DIAPH2: variants seen among roughly 807,000 people sequenced by gnomAD.
DIAPH2 encodes the protein protein diaphanous homolog 2.
A neutral mutation model predicts 92.7 loss-of-function variants in DIAPH2; 35 were observed. That is an observed-to-expected ratio of 0.38 (90% CI 0.29 to 0.50). The LOEUF (loss-of-function observed/expected upper bound fraction) is 0.50. DIAPH2 is among the 20% of genes least tolerant of loss of function. The pLI is 0.94. For synonymous variants in DIAPH2, 301 were observed against 280.4 expected, an observed-to-expected ratio of 1.07 and a Z score of -0.73; for missense variants, 701 against 819.5, an observed-to-expected ratio of 0.86 and a Z score of 1.77.
At chrX:96,962,470 T>C (rs76388798) in intron 16 of DIAPH2, among the ~76,000 whole-genome samples, 1 of 26,979 alleles carries the variant, frequency 3.7e-5, no homozygotes, top group Non-Finnish European at 7.5e-5. Context: ...TATATATACA[T>C]ATATATATAC....
At chrX:97,177,185 T>C (rs1175449407) in intron 22 of DIAPH2, among the ~76,000 whole-genome samples, 1 of 111,133 alleles carries the variant, frequency 9.0e-6, no homozygotes, top group Non-Finnish European at 1.9e-5. Flanking sequence ...TTTGGGTAGT[T>C]TCCTGTCCTT....
At position 97,602,919 on chromosome X, in the gene DIAPH2, T is replaced by C. The variant is rs2071603555; in HGVS notation, c.*3602T>C. The C allele has an allele frequency of 1.8e-5, 2 of 111,420 alleles. No individual in the cohort carries two copies. The highest frequency in any genetic ancestry group is 3.8e-4 in the South Asian group (1 of 2,638). 9.2% of individuals were successfully genotyped at this position (111,420 alleles called of 1,213,427 possible). ...TGGTAGAACATTCTCAAAAATCTTG[T>C]GGGTCTTCTACGTATGTCACATTGA... is the stretch of plus-strand genomic sequence containing the variant. On this transcript the variant is annotated 3_prime_UTR_variant, in exon 27 of 27. Transcript: ENST00000324765.
At chrX:97,578,150 TTTTATTTTTA>T (rs1207245114) in intron 26 of DIAPH2, among the ~76,000 whole-genome samples, 42 of 108,268 alleles carry the variant, frequency 3.9e-4, no homozygotes, top group African/African-American at 6.7e-4. Flanking sequence ...CACTGCATAT[TTTTATTTTTA>T]TTTATTTTTA....
intron 4 of DIAPH2, among the ~76,000 whole-genome samples, chrX:96,844,336 A>G (rs1265129146): frequency 2.7e-5 from 3 of 112,445 alleles, no homozygotes; most frequent in Non-Finnish European, 5.6e-5. Flanking sequence ...ACCACCATCA[A>G]TCAATTTTTT....
At position 97,125,877 on chromosome X, in the gene DIAPH2, A is replaced by AT. The variant is rs1248781421; in HGVS notation, c.2589+10920dup. Reference sequence around the variant, plus strand: ...ATACTCCTCTAGTTAACAAAAATACATTTTTTTTGTTCTTGATGAATACCC... The same window carrying AT: ...ATACTCCTCTAGTTAACAAAAATACATTTTTTTTTGTTCTTGATGAATACCC... On this transcript the variant is annotated intron_variant, in intron 21 of 26. Transcript: ENST00000324765. Among the ~76,000 whole-genome samples the AT allele has an allele frequency of 2.7e-5, 3 of 111,476 alleles. No individual in the cohort carries two copies. In the Admixed American group the frequency reaches 2.9e-4, roughly 11 times the overall value.
chrX:97,538,130 C>T (rs1050191609), intron 26 of DIAPH2, among the ~76,000 whole-genome samples: 4 of 110,349 alleles, frequency 3.6e-5, no homozygotes, highest in Admixed American at 9.7e-5. Context: ...GTGATCTGCC[C>T]GCCTCGGCCT....
intron 5 of DIAPH2, among the ~76,000 whole-genome samples, chrX:96,906,782 T>C (rs1016208686): frequency 8.9e-6 from 1 of 111,938 alleles, no homozygotes; most frequent in Non-Finnish European, 1.9e-5. Context: ...AAGTCTTTAA[T>C]TTTTAGCTTT....
At chrX:97,346,037 G>T (rs1055548635) in intron 23 of DIAPH2, among the ~76,000 whole-genome samples, 11 of 111,305 alleles carry the variant, frequency 9.9e-5, no homozygotes, top group African/African-American at 3.6e-4. Flanking sequence ...TATATATTTG[G>T]TTCATTTTAT....
chrX:96,768,552 A>G (rs778940949), intron 4 of DIAPH2, among the ~76,000 whole-genome samples: 1 of 112,058 alleles, frequency 8.9e-6, no homozygotes, highest in East Asian at 2.8e-4. Flanking sequence ...AAATATAATG[A>G]CAGGTAAGCG....
chrX:97,104,716 T>C (rs1012020080), intron 20 of DIAPH2, among the ~76,000 whole-genome samples: 27 of 111,476 alleles, frequency 2.4e-4, no homozygotes, highest in Non-Finnish European at 3.2e-4. Flanking sequence ...CCCTGTGTAG[T>C]GCCCTATAGA....
chrX:97,368,598 C>T (rs1330277743), intron 24 of DIAPH2, among the ~76,000 whole-genome samples: 4 of 111,584 alleles, frequency 3.6e-5, no homozygotes, highest in African/African-American at 9.8e-5. Context: ...AATGCTTTTG[C>T]TCATTAGCTT....
At chrX:96,735,724 G>GT (rs760466783) in intron 1 of DIAPH2, 34 bp from the exon 2 acceptor site, 84 of 895,458 alleles carry the variant, frequency 9.4e-5, no homozygotes, top group Middle Eastern at 2.9e-4. Context: ...TATCTGATGG[G>GT]TTTTTTTTGT....
chrX:97,040,447 A>G (rs1464490606), intron 17 of DIAPH2, among the ~76,000 whole-genome samples: 2 of 110,134 alleles, frequency 1.8e-5, no homozygotes, highest in African/African-American at 6.6e-5. Context: ...GTGATTTGAG[A>G]CTTGTGTTGC....
intron 17 of DIAPH2, among the ~76,000 whole-genome samples, chrX:96,973,106 T>C (rs1287474908): frequency 8.9e-6 from 1 of 112,057 alleles, no homozygotes; most frequent in Non-Finnish European, 1.9e-5. Flanking sequence ...TGGCTGAAGC[T>C]CAGCTGTTTA....
intron 1 of DIAPH2, among the ~76,000 whole-genome samples, chrX:96,687,011 A>G (rs930192394): frequency 2.7e-5 from 3 of 111,843 alleles, no homozygotes; most frequent in East Asian, 5.6e-4. Flanking sequence ...CTTGGGGCAT[A>G]GGGGTTCTTA....
chrX:96,751,647 G>GTTTTTTTTTTTTTTTTTTTTTTTTT lies in DIAPH2; in HGVS notation c.343-6503_343-6502insTTTTTTTTTTTTTTTTTTTTTTTTT, dbSNP rs1332024432. Among the ~76,000 whole-genome samples, 122 of 84,976 alleles carry GTTTTTTTTTTTTTTTTTTTTTTTTT rather than the reference G, an allele frequency of 1.4e-3. 2 individuals carry two copies. Among genetic ancestry groups the GTTTTTTTTTTTTTTTTTTTTTTTTT allele is most frequent in the East Asian group, 2.7e-3 (6 of 2,233 alleles). 73.8% of individuals were successfully genotyped at this position (84,976 alleles called of 115,157 possible). On this transcript the variant is annotated intron_variant, in intron 3 of 26. Transcript: ENST00000324765. ...TATAAATGGTCAACTAGACTTCAGT[G>GTTTTTTTTTTTTTTTTTTTTTTTTT]TTTTGTTTTTTTTTTTTTTTTTTTG... is the stretch of plus-strand genomic sequence containing the variant.
At chrX:97,502,153 T>C (rs754919964) in intron 26 of DIAPH2, among the ~76,000 whole-genome samples, 4 of 112,232 alleles carry the variant, frequency 3.6e-5, no homozygotes, top group African/African-American at 1.3e-4. Flanking sequence ...CTGTTTTGTA[T>C]TGAAATGAAT....
intron 24 of DIAPH2, among the ~76,000 whole-genome samples, chrX:97,350,376 ACTGT>A (rs2069200830): frequency 9.0e-6 from 1 of 111,128 alleles, no homozygotes; most frequent in Non-Finnish European, 1.9e-5. Flanking sequence ...ATCCTAAAAC[ACTGT>A]CTGTCTTATT....
chrX:96,811,242 A>T (rs757554090), intron 4 of DIAPH2, among the ~76,000 whole-genome samples: 1 of 111,260 alleles, frequency 9.0e-6, no homozygotes, highest in Non-Finnish European at 1.9e-5. Flanking sequence ...CATCCCTTGT[A>T]AGTTGGATTC....
Sources: allele counts gnomAD v4.1 joint callset (sites outside exome capture counted in the v4.1 genomes callset), GRCh38; gene constraint gnomAD v4.1.1; transcripts MANE v1.5; gene names NCBI Gene and HGNC (gene_info 2026-07-23, HGNC 2026-07-21).